The following GSG1 variants were observed in gnomAD, a reference collection of about 807,000 sequenced individuals.
GSG1 encodes germ cell-specific gene 1 protein.
GSG1 carries 28 observed loss-of-function variants against 30.8 expected under a neutral mutation model. That is an observed-to-expected ratio of 0.91 (90% CI 0.67 to 1.25). GSG1 has a LOEUF of 1.25. GSG1 is among the 50% of genes most tolerant of loss of function. The probability of loss-of-function intolerance (pLI) is 0.00; values close to 1 mark genes in which losing one functional copy is unlikely to be tolerated. For synonymous variants in GSG1, 162 were observed against 178.0 expected (o/e 0.91, Z 0.71); for missense variants, 435 against 444.7 (o/e 0.98, Z 0.20).
At chr12:13,089,736 G>T (rs4763321) in intron 2 of GSG1, among the ~76,000 whole-genome samples, 19,857 of 152,200 alleles carry the variant, frequency 0.13, 1,760 homozygotes, top group Admixed American at 0.29. Flanking sequence ...TCTCACAAAT[G>T]AGCAAATCAA....
chr12:13,086,811 GA>G (rs948884444), intron 6 of GSG1, among the ~76,000 whole-genome samples: 5 of 150,544 alleles, frequency 3.3e-5, no homozygotes, highest in Non-Finnish European at 7.4e-5. Flanking sequence ...ATAAAAAAAA[GA>G]AAAAAAAAGA....
chr12:13,088,026 G>A lies in GSG1; in HGVS notation c.515C>T (p.Thr172Ile). The stretch of plus-strand genomic sequence containing the variant: ...GCTGATGAATTGAAGTCCGATGTAG[G>A]TGATCTGCGTTCCCAGGGATAACCA... The part of the protein sequence containing the change: ...ILWLSLGTQI[T>I]YIGLQFISFL... The change falls in exon 5 of 7, where the codon ACC (threonine) becomes ATC (isoleucine). Residue 172 changes from threonine to isoleucine, a missense_variant. Physicochemically the swap from Thr to Ile is moderately conservative, Grantham distance 89. Coordinates refer to ENST00000651961, the MANE Select transcript of GSG1 (RefSeq NM_001080555.4). 1.2e-6 allele frequency: 2 copies of A among 1,614,260 alleles called. No homozygotes were observed. Among genetic ancestry groups the A allele is most frequent in the Middle Eastern group, 1.6e-4 (1 of 6,062 alleles).
Position 13,090,572 on chromosome 12 carries a change from C to G in GSG1, c.295G>C (p.Asp99His). The stretch of plus-strand genomic sequence containing the variant: ...CGGAAGCTCCGGAAGGAGAACCGGT[C>G]ATCCCCAGTCTCCCAGTTGTATTGT... Reference protein sequence around the residue: ...VVQYNWETGDDRFSFRSFRSG... With the variant: ...VVQYNWETGDHRFSFRSFRSG... Residue 99 changes from aspartate to histidine, a missense_variant, in exon 2 of 7, where the codon GAC becomes CAC. Coordinates refer to ENST00000651961, the MANE Select transcript of GSG1 (RefSeq NM_001080555.4). 6.2e-7 allele frequency: 1 copy of G among 1,614,202 alleles called. No homozygotes were observed. Among genetic ancestry groups the G allele is most frequent in the South Asian group, 1.1e-5 (1 of 91,042 alleles).
chr12:13,103,665 C>T lies in GSG1; in HGVS notation c.-153G>A. 1.3e-6 allele frequency: 1 copy of T among 792,368 alleles called. No individual in the cohort carries two copies. Among genetic ancestry groups the T allele is most frequent in the South Asian group, 1.6e-5 (1 of 61,422 alleles). 49.1% of individuals were successfully genotyped at this position (792,368 alleles called of 1,614,324 possible). On this transcript the variant is annotated 5_prime_UTR_variant, in exon 1 of 7. Transcript: ENST00000651961. ...GTGTGTGGTGGATTGGAGAGGATGT[C>T]CTGAGGGCCAGACACCAGCCAGGGC... is the stretch of plus-strand genomic sequence containing the variant.
intron 3 of GSG1, 142 bp from the exon 4 acceptor site, chr12:13,089,051 C>T: frequency 7.8e-7 from 1 of 1,287,692 alleles, no homozygotes; most frequent in Non-Finnish European, 1.1e-6. Context: ...GAAAGAATGC[C>T]TGGGTGAATG....
At position 13,101,639 on chromosome 12, in the gene GSG1, T is replaced by A. The variant is rs1863214168; in HGVS notation, c.48+1826A>T. Among the ~76,000 whole-genome samples the A allele has an allele frequency of 6.6e-6, 1 of 152,190 alleles. No homozygotes were observed. Among genetic ancestry groups the A allele is most frequent in the Non-Finnish European group, 1.5e-5 (1 of 68,004 alleles). On this transcript the variant is annotated intron_variant, in intron 1 of 6. Coordinates refer to ENST00000651961, the MANE Select transcript of GSG1 (RefSeq NM_001080555.4). The surrounding 1 kb of genome is among the most constrained non-coding windows in gnomAD (Gnocchi z 5.8). ...AGGCTGCGCGGGAGGGCGGAGAGAC[T>A]GGGTAGTCGGAGGGATTCCTTACAC... is the stretch of plus-strand genomic sequence containing the variant.
intron 1 of GSG1, among the ~76,000 whole-genome samples, chr12:13,100,839 A>AG (rs373688173): frequency 6.6e-6 from 1 of 152,162 alleles, no homozygotes; most frequent in East Asian, 1.9e-4. Context: ...ACCACGTTTA[A>AG]GGGGCCACAT....
At chr12:13,089,155 T>C in intron 3 of GSG1, 53 bp downstream of exon 3, 1 of 1,518,226 alleles carries the variant, frequency 6.6e-7, no homozygotes, top group African/African-American at 1.4e-5. Context: ...CATAGCTTAG[T>C]GTTCCCATTT....
intron 1 of GSG1, among the ~76,000 whole-genome samples, chr12:13,100,948 C>T (rs1418690871): frequency 6.6e-6 from 1 of 152,210 alleles, no homozygotes; most frequent in Admixed American, 6.5e-5. Flanking sequence ...CCTGGAAAAG[C>T]GTATCGGGGC....
At chr12:13,091,315 G>T (rs1591638358) in intron 1 of GSG1, among the ~76,000 whole-genome samples, 3 of 152,192 alleles carry the variant, frequency 2.0e-5, no homozygotes, top group African/African-American at 7.2e-5. Context: ...TTCCAGAGAG[G>T]GTCCTGCCCC....
rs1256530586 is a variant in GSG1, at chr12:13,084,985, C to T, written c.1005G>A (p.Glu335=). 6.4e-7 allele frequency: 1 copy of T among 1,552,756 alleles called. No homozygotes were observed. Among genetic ancestry groups the T allele is most frequent in the Non-Finnish European group, 8.7e-7 (1 of 1,147,510 alleles). The part of the protein sequence containing the change: ...SVSEGVDFYS[E]LRNKGFQRGA... ...CTCTTTGAAATCCCTTGTTCCGCAG[C>T]TCGGAGTAGAAGTCGACTCCCTCAG... The change falls in exon 7 of 7, where the codon GAG becomes GAA. Residue 335 remains glutamate, a synonymous_variant. Coordinates refer to ENST00000651961, the MANE Select transcript of GSG1 (RefSeq NM_001080555.4).
chr12:13,101,580 G>A lies in GSG1; in HGVS notation c.48+1885C>T, dbSNP rs940935268. Among the ~76,000 whole-genome samples, 1 of 152,226 alleles carries A rather than the reference G, an allele frequency of 6.6e-6. No individual in the cohort carries two copies. The highest frequency in any genetic ancestry group is 2.4e-5 in the African/African-American group (1 of 41,472). The stretch of plus-strand genomic sequence containing the variant: ...TCCCGGAGCTGGGCCGGGGCGCTAG[G>A]CCACCTGAGGCGCGTCCCCTCTGCC... On this transcript the variant is annotated intron_variant, in intron 1 of 6. Coordinates refer to ENST00000651961, the MANE Select transcript of GSG1 (RefSeq NM_001080555.4). The surrounding 1 kb of genome is among the most constrained non-coding windows in gnomAD (Gnocchi z 5.8).
Position 13,103,599 on chromosome 12 carries a change from G to A in GSG1, c.-87C>T. ...TGGGTAGAATGAGTGTTTAGCGTGA[G>A]GATGAATCAGGTCCCCTCTTGCCAG... On this transcript the variant is annotated 5_prime_UTR_variant, in exon 1 of 7. Coordinates refer to ENST00000651961, the MANE Select transcript of GSG1 (RefSeq NM_001080555.4). 1 of 1,399,712 alleles carries A rather than the reference G, an allele frequency of 7.1e-7. No homozygotes were observed. 86.7% of individuals were successfully genotyped at this position (1,399,712 alleles called of 1,614,324 possible). A position where few individuals can be genotyped will look rare whatever the true frequency, so the allele number is the denominator to read the frequency against.
At position 13,086,379 on chromosome 12, in the gene GSG1, G is replaced by A. The variant is rs142850660; in HGVS notation, c.746+773C>T. On this transcript the variant is annotated intron_variant, in intron 6 of 6. Coordinates refer to ENST00000651961, the MANE Select transcript of GSG1 (RefSeq NM_001080555.4). ...GGGGATAGGGCCTCACAACAGACTT[G>A]CAGGCTTCCTTCCCCGAATGGAAAC... Among the ~76,000 whole-genome samples the A allele has an allele frequency of 6.6e-5, 10 of 152,264 alleles. No individual in the cohort carries two copies. In the East Asian group the frequency reaches 1.9e-3, roughly 29 times the overall value.
At position 13,090,618 on chromosome 12, in the gene GSG1, G is replaced by C. The variant is rs149082366; in HGVS notation, c.249C>G (p.Asn83Lys). ...DMPVSLDGDT[N>K]TSTQEVVQYN... is the part of the protein sequence containing the mutation. Reference sequence around the variant, plus strand: ...ATTGTACCACCTCCTGGGTGGATGTGTTGGTATCTCCATCCAGGGACACTG... The same window carrying C: ...ATTGTACCACCTCCTGGGTGGATGTCTTGGTATCTCCATCCAGGGACACTG... The change falls in exon 2 of 7, where the codon AAC becomes AAG. Residue 83 changes from asparagine to lysine, a missense_variant. Asn to Lys is a moderately conservative substitution (Grantham distance 94). Coordinates refer to ENST00000651961, the MANE Select transcript of GSG1 (RefSeq NM_001080555.4). 1.7e-5 allele frequency: 28 copies of C among 1,614,168 alleles called. No individual in the cohort carries two copies. The African/African-American group carries it at 3.3e-4, about 19-fold the overall frequency.
At chr12:13,089,014 C>T (rs1359621508) in intron 3 of GSG1, 105 bp from the exon 4 acceptor site, 27 of 1,425,172 alleles carry the variant, frequency 1.9e-5, no homozygotes, top group Non-Finnish European at 2.5e-5. Context: ...TCTGACAGCA[C>T]CTGCCCCGCA....
At chr12:13,089,482 G>A (rs1166526795) in intron 2 of GSG1, 3 of 692,590 alleles carry the variant, frequency 4.3e-6, no homozygotes, top group Non-Finnish European at 6.8e-6. Context: ...GGTGTCTTCA[G>A]CTCATTCCTC....
chr12:13,089,092 A>T lies in GSG1; in HGVS notation c.433+116T>A, dbSNP rs1444124698. The T allele has an allele frequency of 2.3e-6, 3 of 1,317,332 alleles. No homozygotes were observed. The African/African-American group carries it at 4.5e-5, about 20-fold the overall frequency. 81.6% of individuals were successfully genotyped at this position (1,317,332 alleles called of 1,614,324 possible). On this transcript the variant is annotated intron_variant, in intron 3 of 6. Transcript: ENST00000651961. Reference sequence around the variant, plus strand: ...CACAGCCAAGAGTCAGCCCAGGTGAATTTCTCTCTTCAGTCTCTGATAATG... The same window carrying T: ...CACAGCCAAGAGTCAGCCCAGGTGATTTTCTCTCTTCAGTCTCTGATAATG...
intron 4 of GSG1, 73 bp downstream of exon 4, chr12:13,088,789 C>T (rs749032603): frequency 3.4e-5 from 55 of 1,613,962 alleles, no homozygotes; most frequent in Admixed American, 1.7e-4. Flanking sequence ...CTCCATCAAC[C>T]GCTTCCCTCC....
Sources: gnomAD v4.1 joint callset for allele counts (sites outside exome capture counted in the v4.1 genomes callset) on GRCh38, gnomAD v4.1.1 for gene constraint, Gnocchi (gnomAD v3.1) non-coding constraint, MANE v1.5 for transcripts, NCBI Gene and HGNC (gene_info 2026-07-23, HGNC 2026-07-21) for gene names.